Variants in ASIC2 observed in about 807,000 individuals in gnomAD.
ASIC2 encodes acid-sensing ion channel 2.
Under a neutral mutation model 57.3 loss-of-function variants are expected in ASIC2, and 25 were observed. The observed-to-expected ratio is 0.44, with a 90% CI of 0.32 to 0.61. ASIC2 has a LOEUF of 0.61. ASIC2 is among the 20% of genes least tolerant of loss of function. The pLI, the probability that ASIC2 is intolerant of heterozygous loss-of-function variation, is 0.06. For synonymous variants in ASIC2, 319 were observed against 307.5 expected (o/e 1.04, Z -0.39); for missense variants, 641 against 738.1 (o/e 0.87, Z 1.52).
At chr17:33,551,458 CAAAA>C (rs1387120419) in intron 1 of ASIC2, among the ~76,000 whole-genome samples, 1 of 152,132 alleles carries the variant, frequency 6.6e-6, no homozygotes, top group African/African-American at 2.4e-5. Flanking sequence ...ACACCAAAGA[CAAAA>C]AACTGCTACC....
At chr17:33,712,429 A>G (rs939438410) in intron 1 of ASIC2, among the ~76,000 whole-genome samples, 10 of 152,160 alleles carry the variant, frequency 6.6e-5, no homozygotes, top group African/African-American at 2.4e-4. Context: ...TTGCTGCATA[A>G]CAATTTGCCC....
intron 1 of ASIC2, among the ~76,000 whole-genome samples, chr17:33,607,721 C>T (rs556617058): frequency 6.6e-6 from 1 of 152,280 alleles, no homozygotes; most frequent in Admixed American, 6.5e-5. Context: ...AAGAGAGCTG[C>T]CCTAGACTCT....
intron 1 of ASIC2, among the ~76,000 whole-genome samples, chr17:33,459,276 G>C (rs556099908): frequency 1.3e-5 from 2 of 152,140 alleles, no homozygotes; most frequent in African/African-American, 4.8e-5. Context: ...TGAGTATCTG[G>C]CCTGTTTGTC....
chr17:33,636,869 G>GCACACACCCACACACACA (rs1318814900), intron 1 of ASIC2, among the ~76,000 whole-genome samples: 2 of 150,974 alleles, frequency 1.3e-5, no homozygotes, highest in Non-Finnish European at 3.0e-5. Flanking sequence ...GCATATGCAT[G>GCACACACCCACACACACA]CACACACACC....
chr17:33,043,690 T>C (rs976555998), intron 3 of ASIC2, among the ~76,000 whole-genome samples: 2 of 152,218 alleles, frequency 1.3e-5, no homozygotes, highest in Non-Finnish European at 2.9e-5. Flanking sequence ...TTATGTATTA[T>C]ATAAAATACA....
At chr17:33,940,202 C>T (rs1916154682) in intron 1 of ASIC2, among the ~76,000 whole-genome samples, 1 of 152,198 alleles carries the variant, frequency 6.6e-6, no homozygotes, top group Non-Finnish European at 1.5e-5. Context: ...CCTGTCCCCA[C>T]CTAACCAGTA....
chr17:33,282,240 G>C (rs28414554), intron 1 of ASIC2, among the ~76,000 whole-genome samples: 10,999 of 152,218 alleles, frequency 0.072, 547 homozygotes, highest in African/African-American at 0.14. Context: ...TTACCTTATA[G>C]TTCTGGAGGT....
chr17:33,792,215 A>T (rs560277684), intron 1 of ASIC2: 3 of 152,282 alleles, frequency 2.0e-5, no homozygotes, highest in Non-Finnish European at 4.4e-5. Context: ...CCCAGTGGGT[A>T]GTGGTGGAGC....
chr17:33,441,743 C>G (rs756749351), intron 1 of ASIC2, among the ~76,000 whole-genome samples: 2 of 152,026 alleles, frequency 1.3e-5, no homozygotes, highest in Admixed American at 6.6e-5. Context: ...TGCAAAGTTC[C>G]CCCCAGTTTA....
At chr17:33,136,613 T>C (rs1049290556) in intron 1 of ASIC2, among the ~76,000 whole-genome samples, 1 of 152,164 alleles carries the variant, frequency 6.6e-6, no homozygotes. Flanking sequence ...TGGGGAAAGA[T>C]GAGAAGAAAG....
intron 1 of ASIC2, among the ~76,000 whole-genome samples, chr17:33,921,554 G>A (rs974486500): frequency 1.4e-4 from 21 of 152,122 alleles, no homozygotes; most frequent in African/African-American, 5.1e-4. Flanking sequence ...GCGTCCTGGA[G>A]GGATGGTGGG....
intron 1 of ASIC2, among the ~76,000 whole-genome samples, chr17:33,285,169 G>C (rs189572981): frequency 6.6e-6 from 1 of 152,226 alleles, no homozygotes; most frequent in South Asian, 2.1e-4. Flanking sequence ...ACATTTGATT[G>C]ATGCCTTCGT....
At position 33,238,251 on chromosome 17, in the gene ASIC2, G is replaced by A. The variant is rs79186365; in HGVS notation, c.708+53157C>T. ...AGAAACCCTGTGAGAGCTGCACGACGGCACTGCAAGATTTTTGGACTACGA... is the reference window on the plus strand; with the variant it reads ...AGAAACCCTGTGAGAGCTGCACGACAGCACTGCAAGATTTTTGGACTACGA... On this transcript the variant is annotated intron_variant, in intron 1 of 9. Transcript: ENST00000225823. Among the ~76,000 whole-genome samples the A allele has an allele frequency of 0.011, 1,665 of 152,276 alleles. 66 individuals are homozygous for A. The East Asian group carries it at 0.14, about 12-fold the overall frequency.
intron 1 of ASIC2, among the ~76,000 whole-genome samples, chr17:33,462,630 C>T (rs1912678187): frequency 6.6e-6 from 1 of 152,232 alleles, no homozygotes; most frequent in Admixed American, 6.5e-5. Context: ...AAATAGCTGA[C>T]CACCTTCAGG....
chr17:33,164,982 A>AGCGT (rs1269468983), intron 1 of ASIC2, among the ~76,000 whole-genome samples: 1 of 152,088 alleles, frequency 6.6e-6, no homozygotes, highest in Non-Finnish European at 1.5e-5. Context: ...CTCTCTGCTT[A>AGCGT]GCGTGTACAT....
chr17:33,822,821 T>C (rs971959204), intron 1 of ASIC2, among the ~76,000 whole-genome samples: 1 of 152,218 alleles, frequency 6.6e-6, no homozygotes, highest in African/African-American at 2.4e-5. Context: ...CCTTGGATCA[T>C]GGCAGGAAAG....
intron 1 of ASIC2, among the ~76,000 whole-genome samples, chr17:33,165,550 G>A (rs922550177): frequency 4.0e-5 from 6 of 151,892 alleles, no homozygotes; most frequent in Non-Finnish European, 8.8e-5. Context: ...TTGAGAGGGG[G>A]TTTGTTAAGG....
chr17:33,884,991 A>G (rs906077323), intron 1 of ASIC2, among the ~76,000 whole-genome samples: 1 of 152,200 alleles, frequency 6.6e-6, no homozygotes, highest in Non-Finnish European at 1.5e-5. Flanking sequence ...AATCACAACC[A>G]GTGTTGCAGT....
At chr17:34,032,796 G>T (rs1022543891) in intron 1 of ASIC2, among the ~76,000 whole-genome samples, 6 of 152,282 alleles carry the variant, frequency 3.9e-5, no homozygotes, top group Admixed American at 2.0e-4. Context: ...AGGGATCAAT[G>T]CAACAAGAAG....
Sources: gnomAD v4.1 joint callset for allele counts (sites outside exome capture counted in the v4.1 genomes callset) on GRCh38, gnomAD v4.1.1 for gene constraint, MANE v1.5 for transcripts, NCBI Gene and HGNC (gene_info 2026-07-23, HGNC 2026-07-21) for gene names.